The following PLCE1 variants were observed in gnomAD, a reference collection of about 807,000 sequenced individuals.
PLCE1 encodes the protein phospholipase C epsilon 1, also known as 1-phosphatidylinositol 4,5-bisphosphate phosphodiesterase epsilon-1.
PLCE1 carries 119 observed loss-of-function variants against 242.8 expected under a neutral mutation model. That is an observed-to-expected ratio of 0.49 (90% CI 0.42 to 0.57). The LOEUF (loss-of-function observed/expected upper bound fraction) is 0.57. PLCE1 is among the 20% of genes least tolerant of loss of function. The pLI, the probability that PLCE1 is intolerant of heterozygous loss-of-function variation, is 0.00. For missense variants in PLCE1, 2,441 were observed against 2,788.8 expected, an observed-to-expected ratio of 0.88 and a Z score of 2.81; for synonymous variants, 945 against 1,017.4, an observed-to-expected ratio of 0.93 and a Z score of 1.35.
At chr10:94,221,353 GTA>G (rs2049737164) in intron 4 of PLCE1, among the ~76,000 whole-genome samples, 1 of 152,202 alleles carries the variant, frequency 6.6e-6, no homozygotes, top group African/African-American at 2.4e-5. Context: ...TTGTGTGTGT[GTA>G]CATGCCCACA....
intron 17 of PLCE1, among the ~76,000 whole-genome samples, chr10:94,269,371 C>T (rs1327082292): frequency 1.3e-5 from 2 of 151,828 alleles, no homozygotes; most frequent in African/African-American, 4.8e-5. Flanking sequence ...CCCAAAGTAC[C>T]GGGATTACAG....
At chr10:94,265,596 C>T (rs1363608420) in intron 14 of PLCE1, 51 bp from the exon 15 acceptor site, 2 of 1,453,394 alleles carry the variant, frequency 1.4e-6, no homozygotes, top group Non-Finnish European at 1.9e-6. Context: ...TTTCTTTCCC[C>T]CTCTTAGTTT....
chr10:94,111,829 T>C (rs1234155251), intron 2 of PLCE1, among the ~76,000 whole-genome samples: 1 of 152,246 alleles, frequency 6.6e-6, no homozygotes, highest in Non-Finnish European at 1.5e-5. Context: ...TTTATAGTGC[T>C]TGAATAATAA....
chr10:94,181,322 C>T (rs746502802), intron 4 of PLCE1, among the ~76,000 whole-genome samples: 2 of 152,112 alleles, frequency 1.3e-5, no homozygotes, highest in African/African-American at 4.8e-5. Flanking sequence ...CCTGTAATCC[C>T]AGCACTTTGG....
chr10:94,096,106 C>T (rs76915628), intron 2 of PLCE1, among the ~76,000 whole-genome samples: 3,785 of 152,256 alleles, frequency 0.025, 144 homozygotes, highest in African/African-American at 0.087. Flanking sequence ...CCCCAGTTCT[C>T]CTTACCCTCA....
In PLCE1 at chr10:94,113,271, TAAA is replaced by T. The variant is rs11358009; in HGVS notation, c.1207-18890_1207-18888del. Among the ~76,000 whole-genome samples the T allele has an allele frequency of 1.6e-3, 235 of 144,250 alleles. 1 individual carries two copies. Among genetic ancestry groups the T allele is most frequent in the Admixed American group, 4.0e-3 (58 of 14,598 alleles). 94.6% of individuals were successfully genotyped at this position (144,250 alleles called of 152,430 possible). A position where few individuals can be genotyped will look rare whatever the true frequency, so the allele number is the denominator to read the frequency against. Reference sequence around the variant, plus strand: ...AATTATATCTCAATAAAGCTGCTGTTAAAAAAAAAAAAAAAGCCAAGGGTTCCT... The same window carrying T: ...AATTATATCTCAATAAAGCTGCTGTTAAAAAAAAAAAAGCCAAGGGTTCCT... On this transcript the variant is annotated intron_variant, in intron 2 of 32. Transcript: ENST00000371380.
chr10:94,235,942 A>T lies in PLCE1; in HGVS notation c.2242A>T (p.Asn748Tyr), dbSNP rs778698239. The T allele has an allele frequency of 1.2e-6, 2 of 1,614,004 alleles. No individual in the cohort carries two copies. The highest frequency in any genetic ancestry group is 2.2e-5 in the South Asian group (2 of 91,082). The change falls in exon 7 of 33, where the codon AAT becomes TAT. Residue 748 changes from asparagine (N) to tyrosine (Y), a missense_variant. By Grantham distance (143) the Asn-to-Tyr change is moderately radical. This residue lies in a region of PLCE1 where 733 missense variants were observed against 754.2 expected (regional missense o/e 0.97). Transcript: ENST00000371380. ...EFVADYSGQD[N>Y]FLQRVGQNGL... ...TGTAGCAGATTACAGTGGACAAGAT[A>T]ATTTCTTACAACGAGTGGGACAAAA...
At chr10:94,080,852 G>T (rs1338087798) in intron 2 of PLCE1, among the ~76,000 whole-genome samples, 2 of 152,214 alleles carry the variant, frequency 1.3e-5, no homozygotes, top group African/African-American at 4.8e-5. Context: ...AAATAGCCAT[G>T]TACCACTGCC....
intron 20 of PLCE1, among the ~76,000 whole-genome samples, chr10:94,282,961 AT>A (rs1212184934): frequency 2.6e-5 from 4 of 151,992 alleles, no homozygotes; most frequent in African/African-American, 9.7e-5. Context: ...GATTTATCTC[AT>A]TTACTTCTTG....
chr10:94,051,286 CAA>C (rs869233995), intron 2 of PLCE1, among the ~76,000 whole-genome samples: 563 of 29,266 alleles, frequency 0.019, 1 homozygote, highest in African/African-American at 0.049. Context: ...GACTCCAACT[CAA>C]AAAAAAAAAA....
intron 4 of PLCE1, among the ~76,000 whole-genome samples, chr10:94,226,728 A>G (rs2137164159): frequency 6.6e-6 from 1 of 151,772 alleles, no homozygotes; most frequent in South Asian, 2.1e-4. Flanking sequence ...CTTATAGTCA[A>G]AAGAAATTTT....
At position 94,330,929 on chromosome 10, in the gene PLCE1, G is replaced by C. The variant is rs997512953; in HGVS notation, c.*2986G>C. On this transcript the variant is annotated 3_prime_UTR_variant, in exon 33 of 33. Transcript: ENST00000371380. ...AAACTCTTCTCATTAAAGTTGATGT[G>C]GACAAGAATCTAAATATGCAAGTTG... The C allele has an allele frequency of 2.6e-5, 4 of 152,060 alleles. No individual in the cohort carries two copies. The highest frequency in any genetic ancestry group is 5.9e-5 in the Non-Finnish European group (4 of 68,034). The allele number at this position is 152,060 out of a possible 1,614,324, so 9.4% of individuals were successfully genotyped here.
chr10:94,182,410 T>C (rs2048342071), intron 4 of PLCE1, among the ~76,000 whole-genome samples: 1 of 151,304 alleles, frequency 6.6e-6, no homozygotes, highest in Admixed American at 6.6e-5. Context: ...GGATCACAGA[T>C]GTGCACCACC....
intron 13 of PLCE1, among the ~76,000 whole-genome samples, chr10:94,259,438 C>T (rs530673425): frequency 7.2e-5 from 11 of 152,258 alleles, no homozygotes; most frequent in African/African-American, 2.2e-4. Context: ...CATGTGCCAC[C>T]ATGCCTGGCT....
chr10:94,037,292 G>T (rs1021769956), intron 2 of PLCE1, among the ~76,000 whole-genome samples: 6 of 152,126 alleles, frequency 3.9e-5, no homozygotes, highest in Non-Finnish European at 8.8e-5. Context: ...GATAATGTCT[G>T]TTGTGTGCAA....
At chr10:94,184,625 C>T (rs1178220722) in intron 4 of PLCE1, among the ~76,000 whole-genome samples, 3 of 152,352 alleles carry the variant, frequency 2.0e-5, no homozygotes, top group South Asian at 2.1e-4. Context: ...CCACCACGCC[C>T]GGCCCTCCAA....
At chr10:94,171,898 CT>C (rs940816965) in intron 4 of PLCE1, among the ~76,000 whole-genome samples, 11 of 152,170 alleles carry the variant, frequency 7.2e-5, no homozygotes, top group African/African-American at 2.7e-4. Context: ...AACCAACCCC[CT>C]GACCCCCTTC....
intron 19 of PLCE1, among the ~76,000 whole-genome samples, chr10:94,278,863 AT>A (rs1484383778): frequency 6.6e-6 from 1 of 152,040 alleles, no homozygotes; most frequent in Non-Finnish European, 1.5e-5. Context: ...TATAGTATAT[AT>A]TAGCACACAT....
At chr10:94,122,335 C>A (rs1454134925) in intron 2 of PLCE1, among the ~76,000 whole-genome samples, 1 of 152,182 alleles carries the variant, frequency 6.6e-6, no homozygotes, top group African/African-American at 2.4e-5. Context: ...ACATCACAAT[C>A]CTAAAAACAT....
Sources: allele counts gnomAD v4.1 joint callset (sites outside exome capture counted in the v4.1 genomes callset), GRCh38; gene constraint gnomAD v4.1.1; regional missense constraint gnomAD v4.1.1; transcripts MANE v1.5; gene names NCBI Gene and HGNC (gene_info 2026-07-23, HGNC 2026-07-21).